PPP2R2B: variants seen among roughly 807,000 people sequenced by gnomAD.
The protein encoded by PPP2R2B is protein phosphatase 2 regulatory subunit Bbeta.
A neutral mutation model predicts 46.0 loss-of-function variants in PPP2R2B; 5 were observed. The ratio of observed to expected loss-of-function variants is 0.11; its 90% CI spans 0.06 to 0.23. PPP2R2B has a LOEUF of 0.23. Ranked by LOEUF, PPP2R2B falls within the 10% of genes least tolerant of loss-of-function variation. The probability of loss-of-function intolerance (pLI) is 1.00; values close to 1 mark genes in which losing one functional copy is unlikely to be tolerated. For synonymous variants in PPP2R2B, 215 were observed against 206.7 expected (o/e 1.04, Z -0.34); for missense variants, 367 against 575.0 (o/e 0.64, Z 3.70).
intron 2 of PPP2R2B, among the ~76,000 whole-genome samples, chr5:146,861,503 G>A (rs1233211873): frequency 1.3e-5 from 2 of 152,174 alleles, no homozygotes; most frequent in African/African-American, 2.4e-5. Context: ...AAACTAATGT[G>A]TCTTCAAAGT....
chr5:147,026,697 T>TAA (rs1294535291), intron 1 of PPP2R2B, among the ~76,000 whole-genome samples: 1 of 152,156 alleles, frequency 6.6e-6, no homozygotes, highest in East Asian at 1.9e-4. Context: ...AGCACATGAA[T>TAA]AAATGTTCAA....
chr5:146,805,271 C>T (rs1194842294), intron 2 of PPP2R2B, among the ~76,000 whole-genome samples: 1 of 152,150 alleles, frequency 6.6e-6, no homozygotes, highest in Non-Finnish European at 1.5e-5. Context: ...CCCTAGACCG[C>T]AGAAGCATCC....
At chr5:146,782,117 A>C (rs1267229236) in intron 2 of PPP2R2B, among the ~76,000 whole-genome samples, 2 of 151,948 alleles carry the variant, frequency 1.3e-5, no homozygotes, top group Non-Finnish European at 2.9e-5. Context: ...CCATGACTGC[A>C]AGTTTCCTGA....
chr5:146,691,653 C>T (rs1778859505), intron 4 of PPP2R2B, among the ~76,000 whole-genome samples: 1 of 152,074 alleles, frequency 6.6e-6, no homozygotes, highest in Admixed American at 6.6e-5. Context: ...TAGCATCTCA[C>T]CTCACTAACA....
At chr5:146,743,006 C>A (rs1752969118) in intron 2 of PPP2R2B, among the ~76,000 whole-genome samples, 1 of 152,132 alleles carries the variant, frequency 6.6e-6, no homozygotes, top group African/African-American at 2.4e-5. Flanking sequence ...GTAACTTTGC[C>A]AACACCTTGA....
intron 2 of PPP2R2B, among the ~76,000 whole-genome samples, chr5:146,785,422 C>G (rs986106045): frequency 6.6e-6 from 1 of 152,116 alleles, no homozygotes; most frequent in African/African-American, 2.4e-5. Context: ...GTAGTGCACA[C>G]CTGTAATCCC....
intron 2 of PPP2R2B, among the ~76,000 whole-genome samples, chr5:146,704,186 T>C (rs1283872363): frequency 6.6e-6 from 1 of 152,236 alleles, no homozygotes; most frequent in Non-Finnish European, 1.5e-5. Context: ...TCATGAATCA[T>C]TATACATTCC....
intron 1 of PPP2R2B, among the ~76,000 whole-genome samples, chr5:146,915,002 G>A (rs1763328842): frequency 6.6e-6 from 1 of 152,150 alleles, no homozygotes; most frequent in Admixed American, 6.5e-5. Context: ...AAAAAATCAA[G>A]ATGTTGTTTT....
intron 2 of PPP2R2B, among the ~76,000 whole-genome samples, chr5:146,767,541 C>CAT (rs1754564098): frequency 6.6e-6 from 1 of 150,834 alleles, no homozygotes; most frequent in Non-Finnish European, 1.5e-5. Context: ...CACATACATA[C>CAT]ACACACACAC....
chr5:146,871,433 A>G (rs1761610077), intron 2 of PPP2R2B, among the ~76,000 whole-genome samples: 1 of 152,236 alleles, frequency 6.6e-6, no homozygotes, highest in South Asian at 2.1e-4. Context: ...AGTGACATGG[A>G]GAAAGCTATT....
At chr5:146,738,310 G>C (rs1052939045) in intron 2 of PPP2R2B, among the ~76,000 whole-genome samples, 1 of 149,480 alleles carries the variant, frequency 6.7e-6, no homozygotes, top group Non-Finnish European at 1.5e-5. Context: ...GCAGGAGAAC[G>C]GCATGAACTT....
chr5:146,949,488 T>C (rs1764587118), intron 1 of PPP2R2B, among the ~76,000 whole-genome samples: 1 of 151,958 alleles, frequency 6.6e-6, no homozygotes, highest in African/African-American at 2.4e-5. Flanking sequence ...AAACCAGTTA[T>C]AATGGTTTTT....
chr5:147,027,705 T>C (rs932914089), intron 1 of PPP2R2B, among the ~76,000 whole-genome samples: 12 of 152,098 alleles, frequency 7.9e-5, no homozygotes, highest in African/African-American at 2.9e-4. Context: ...AGTAATCTTT[T>C]TGGGATGATT....
intron 1 of PPP2R2B, among the ~76,000 whole-genome samples, chr5:146,901,227 C>T (rs529121682): frequency 2.0e-4 from 30 of 152,244 alleles, no homozygotes; most frequent in African/African-American, 7.0e-4. Context: ...TAAATTCAAA[C>T]AGTGGCTCAC....
At chr5:146,954,944 CAG>C in intron 1 of PPP2R2B, among the ~76,000 whole-genome samples, 1 of 152,094 alleles carries the variant, frequency 6.6e-6, no homozygotes, top group East Asian at 1.9e-4. Context: ...TAAAAATAGC[CAG>C]AGTTTCTCTG....
intron 1 of PPP2R2B, among the ~76,000 whole-genome samples, chr5:146,916,916 TAATCA>T (rs1209993737): frequency 6.6e-6 from 1 of 152,174 alleles, no homozygotes; most frequent in Non-Finnish European, 1.5e-5. Context: ...CTTAACATCT[TAATCA>T]TGAATTTGCT....
intron 2 of PPP2R2B, among the ~76,000 whole-genome samples, chr5:147,074,992 T>C (rs73310655): frequency 0.056 from 8,580 of 151,904 alleles, 462 homozygotes; most frequent in African/African-American, 0.14. Context: ...AACTGCAGAG[T>C]GAGGAACAAA....
intron 7 of PPP2R2B, among the ~76,000 whole-genome samples, chr5:146,629,299 G>A (rs1372759068): frequency 6.6e-6 from 1 of 152,108 alleles, no homozygotes; most frequent in Non-Finnish European, 1.5e-5. Context: ...TTCAGTGTAT[G>A]GTACCGTACA....
At chr5:146,901,003 G>A (rs776519220) in intron 1 of PPP2R2B, among the ~76,000 whole-genome samples, 1 of 152,062 alleles carries the variant, frequency 6.6e-6, no homozygotes, top group Non-Finnish European at 1.5e-5. Flanking sequence ...TGGTATATAT[G>A]TACCACATTT....
Sources: gnomAD v4.1 joint callset for allele counts (sites outside exome capture counted in the v4.1 genomes callset) on GRCh38, gnomAD v4.1.1 for gene constraint, MANE v1.5 for transcripts, NCBI Gene and HGNC (gene_info 2026-07-23, HGNC 2026-07-21) for gene names.